The following LYPLA1 variants were observed in gnomAD, a reference collection of about 807,000 sequenced individuals.
LYPLA1 encodes the protein lysophospholipase 1, also known as acyl-protein thioesterase 1.
A neutral mutation model predicts 34.0 loss-of-function variants in LYPLA1; 17 were observed. The observed-to-expected ratio is 0.50, with a 90% CI of 0.34 to 0.75. The LOEUF is 0.75. LYPLA1 is among the 30% of genes least tolerant of loss of function. LYPLA1 has a pLI of 0.01. For missense variants in LYPLA1, 203 were observed against 288.8 expected (o/e 0.70, Z 2.15); for synonymous variants, 98 against 100.8 (o/e 0.97, Z 0.17).
chr8:54,071,396 G>A (rs1807453463), intron 2 of LYPLA1, among the ~76,000 whole-genome samples: 1 of 82,834 alleles, frequency 1.2e-5, no homozygotes, highest in Non-Finnish European at 2.3e-5. Context: ...AAATACACAT[G>A]AGAGTATTTA....
At chr8:54,070,648 G>C (rs568324702) in intron 2 of LYPLA1, among the ~76,000 whole-genome samples, 3 of 152,116 alleles carry the variant, frequency 2.0e-5, no homozygotes, top group Admixed American at 2.0e-4. Context: ...ACTCAAACCC[G>C]GGAGGAGGAG....
intron 2 of LYPLA1, among the ~76,000 whole-genome samples, chr8:54,097,993 C>A (rs1372508939): frequency 6.6e-6 from 1 of 151,696 alleles, no homozygotes; most frequent in African/African-American, 2.4e-5. Flanking sequence ...GAGGCCAAGG[C>A]GGGCAGATCG....
intron 2 of LYPLA1, among the ~76,000 whole-genome samples, chr8:54,099,968 G>C (rs1294489474): frequency 6.6e-6 from 1 of 152,034 alleles, no homozygotes; most frequent in Admixed American, 6.6e-5. Context: ...ACAGGTGTGA[G>C]CCACCGCGCC....
chr8:54,051,786 CTTTT>C (rs544039585), intron 7 of LYPLA1, among the ~76,000 whole-genome samples: 2 of 150,624 alleles, frequency 1.3e-5, no homozygotes, highest in African/African-American at 2.4e-5. Flanking sequence ...ATATTTTCAG[CTTTT>C]TTTTGTTTGT....
intron 2 of LYPLA1, among the ~76,000 whole-genome samples, chr8:54,075,429 G>C (rs1400210293): frequency 6.6e-6 from 1 of 152,180 alleles, no homozygotes; most frequent in African/African-American, 2.4e-5. Context: ...AGCATCCCGA[G>C]GGCCCCCTGA....
At chr8:54,088,321 G>A (rs988453442) in intron 2 of LYPLA1, among the ~76,000 whole-genome samples, 2 of 152,168 alleles carry the variant, frequency 1.3e-5, no homozygotes, top group African/African-American at 2.4e-5. Flanking sequence ...TCTTTAAAGA[G>A]GGACCTCTAT....
chr8:54,061,841 T>A (rs1308328744), intron 5 of LYPLA1, among the ~76,000 whole-genome samples: 2 of 152,046 alleles, frequency 1.3e-5, no homozygotes, highest in Non-Finnish European at 2.9e-5. Flanking sequence ...TAAATGTGGT[T>A]TTTTTTGGTT....
intron 3 of LYPLA1, among the ~76,000 whole-genome samples, chr8:54,065,113 T>A (rs1304472888): frequency 1.3e-5 from 2 of 152,156 alleles, no homozygotes; most frequent in Non-Finnish European, 2.9e-5. Context: ...GTTTTCAACG[T>A]AATAAAGAGT....
In LYPLA1 at chr8:54,101,741, C is replaced by G; in HGVS notation, c.69+14G>C. ...CCCAGTGGACCCCTCCGAGCCCACG[C>G]CTACGCCACTCACCGCAGCGGTGGC... On this transcript the variant is annotated intron_variant, in intron 1 of 8. Transcript: ENST00000316963. The G allele has an allele frequency of 7.7e-7, 1 of 1,298,856 alleles. No homozygotes were observed. Among genetic ancestry groups the G allele is most frequent in the South Asian group, 2.6e-5 (1 of 38,678 alleles). The allele number at this position is 1,298,856 out of a possible 1,614,324, so 80.5% of individuals were successfully genotyped here.
intron 5 of LYPLA1, among the ~76,000 whole-genome samples, chr8:54,058,693 A>G (rs1468816646): frequency 1.3e-5 from 2 of 151,546 alleles, no homozygotes; most frequent in East Asian, 3.9e-4. Context: ...CTCCCACCTC[A>G]GACTCTCAAG....
At chr8:54,049,907 C>A (rs965404996) in intron 8 of LYPLA1, among the ~76,000 whole-genome samples, 1 of 152,156 alleles carries the variant, frequency 6.6e-6, no homozygotes, top group African/African-American at 2.4e-5. Flanking sequence ...TGGGTACTTT[C>A]TTCCTAAACT....
chr8:54,095,726 T>C (rs1204601108), intron 2 of LYPLA1, among the ~76,000 whole-genome samples: 1 of 151,838 alleles, frequency 6.6e-6, no homozygotes, highest in African/African-American at 2.4e-5. Context: ...CTGAGGGACA[T>C]TCTACAAAGT....
At chr8:54,084,133 A>AAAAAAAAAATATAT (rs1373090573) in intron 2 of LYPLA1, among the ~76,000 whole-genome samples, 5 of 120,472 alleles carry the variant, frequency 4.2e-5, no homozygotes, top group African/African-American at 9.3e-5. Context: ...AGAAAAAAAA[A>AAAAAAAAAATATAT]ATAAATAAAT....
chr8:54,084,834 A>C (rs1808586278), intron 2 of LYPLA1, among the ~76,000 whole-genome samples: 1 of 152,194 alleles, frequency 6.6e-6, no homozygotes, highest in Non-Finnish European at 1.5e-5. Context: ...ACTACCAAAA[A>C]CGGATTCAAG....
At chr8:54,049,726 C>T (rs1805718927) in intron 8 of LYPLA1, among the ~76,000 whole-genome samples, 1 of 152,174 alleles carries the variant, frequency 6.6e-6, no homozygotes, top group African/African-American at 2.4e-5. Flanking sequence ...ATAGGTCTTT[C>T]TCTGATCCCA....
At chr8:54,082,461 T>C (rs917221694) in intron 2 of LYPLA1, among the ~76,000 whole-genome samples, 2 of 152,188 alleles carry the variant, frequency 1.3e-5, no homozygotes, top group African/African-American at 2.4e-5. Flanking sequence ...GTTATGAGAC[T>C]ATATTGTATC....
chr8:54,089,496 G>C (rs1000562902), intron 2 of LYPLA1, among the ~76,000 whole-genome samples: 2 of 145,512 alleles, frequency 1.4e-5, no homozygotes, highest in Non-Finnish European at 2.9e-5. Context: ...CATCCCTGGG[G>C]GGGGGCGGGA....
intron 2 of LYPLA1, among the ~76,000 whole-genome samples, chr8:54,085,860 G>A (rs1396201319): frequency 7.1e-5 from 9 of 126,666 alleles, no homozygotes; most frequent in East Asian, 2.7e-4. Flanking sequence ...AGGTGGGGGG[G>A]GCGCCTCTGC....
downstream of LYPLA1, among the ~76,000 whole-genome samples, chr8:54,043,514 T>A (rs1378454790): frequency 6.6e-6 from 1 of 151,944 alleles, no homozygotes; most frequent in Non-Finnish European, 1.5e-5. Context: ...GATCTCATGA[T>A]CCACCTGCCT....
Sources: allele counts gnomAD v4.1 joint callset (sites outside exome capture counted in the v4.1 genomes callset), GRCh38; gene constraint gnomAD v4.1.1; transcripts MANE v1.5; gene names NCBI Gene and HGNC (gene_info 2026-07-23, HGNC 2026-07-21).